Variants in PPP2R2C observed in about 807,000 individuals in gnomAD.
PPP2R2C encodes protein phosphatase 2, regulatory subunit B, gamma.
In PPP2R2C, 10 loss-of-function variants were observed where a neutral mutation model predicts 45.3. The ratio of observed to expected loss-of-function variants is 0.22; its 90% CI spans 0.14 to 0.37. The LOEUF (loss-of-function observed/expected upper bound fraction) is 0.37, where lower values mean the gene tolerates loss of function less well. Among genes scored for constraint, PPP2R2C ranks in the 10% least tolerant of loss-of-function variants. The pLI is 1.00. For missense variants in PPP2R2C, 308 were observed against 619.7 expected (o/e 0.50, Z 5.34); for synonymous variants, 257 against 245.4 (o/e 1.05, Z -0.44).
intron 2 of PPP2R2C, among the ~76,000 whole-genome samples, chr4:6,514,843 G>A (rs1416952590): frequency 6.6e-6 from 1 of 152,176 alleles, no homozygotes; most frequent in Non-Finnish European, 1.5e-5. Flanking sequence ...TCCAGAAGAG[G>A]GTCTGCTCCA....
intron 2 of PPP2R2C, among the ~76,000 whole-genome samples, chr4:6,529,299 G>C (rs1002464904): frequency 6.6e-6 from 1 of 152,226 alleles, no homozygotes; most frequent in African/African-American, 2.4e-5. Flanking sequence ...TTTCACACAC[G>C]ACAAAGAGCC....
chr4:6,355,998 A>G (rs1373863204), intron 5 of PPP2R2C, among the ~76,000 whole-genome samples: 49 of 127,756 alleles, frequency 3.8e-4, no homozygotes, highest in African/African-American at 2.0e-3. Context: ...GCCTGGAAAA[A>G]AAAAAAAAAA....
chr4:6,536,625 T>A (rs2108827861), intron 1 of PPP2R2C, among the ~76,000 whole-genome samples: 1 of 152,328 alleles, frequency 6.6e-6, no homozygotes, highest in Non-Finnish European at 1.5e-5. Context: ...AAGCCCCTCC[T>A]GTGCAGGGTG....
chr4:6,538,337 G>T (rs370245565), intron 1 of PPP2R2C, among the ~76,000 whole-genome samples: 1 of 152,054 alleles, frequency 6.6e-6, no homozygotes, highest in Non-Finnish European at 1.5e-5. Context: ...TACAGATATC[G>T]GCATGGAGAG....
At chr4:6,350,353 A>T in intron 5 of PPP2R2C, 1 of 985,420 alleles carries the variant, frequency 1.0e-6, no homozygotes. Flanking sequence ...CCAGAGAAAA[A>T]GTGCGGCCAC....
chr4:6,405,443 A>T (rs1717730512), intron 1 of PPP2R2C, among the ~76,000 whole-genome samples: 2 of 152,346 alleles, frequency 1.3e-5, no homozygotes, highest in South Asian at 4.1e-4. Flanking sequence ...GGAAGAAGGG[A>T]TGAACAGACC....
chr4:6,462,525 A>G (rs185946265), intron 1 of PPP2R2C, among the ~76,000 whole-genome samples: 133 of 152,132 alleles, frequency 8.7e-4, no homozygotes, highest in East Asian at 1.9e-3. Context: ...ACAAGTTGGT[A>G]GCCTGAAAAG....
intron 1 of PPP2R2C, among the ~76,000 whole-genome samples, chr4:6,429,766 G>T (rs1719517975): frequency 6.6e-6 from 1 of 152,206 alleles, no homozygotes; most frequent in South Asian, 2.1e-4. Flanking sequence ...TTGGTCCAAA[G>T]GAGTTTGCTG....
rs796114331 is a variant in PPP2R2C at position 6,471,404 on chromosome 4, G to A, written c.70+756C>T. Among the ~76,000 whole-genome samples the A allele has an allele frequency of 1.5e-4, 23 of 152,240 alleles. No individual in the cohort carries two copies. Among genetic ancestry groups the A allele is most frequent in the African/African-American group, 5.1e-4 (21 of 41,564 alleles). On this transcript the variant is annotated intron_variant, in intron 1 of 8. Transcript: ENST00000382599. The surrounding 1 kb of genome is among the most constrained non-coding windows in gnomAD (Gnocchi z 5.6). Reference sequence around the variant, plus strand: ...GGAAGTTCCAGGCCTGTAAGAGAGGGGCGCTGACCCACCAGCCTCGGGGGT... The same window carrying A: ...GGAAGTTCCAGGCCTGTAAGAGAGGAGCGCTGACCCACCAGCCTCGGGGGT...
chr4:6,335,558 G>A (rs1290523007), intron 6 of PPP2R2C, among the ~76,000 whole-genome samples: 1 of 152,152 alleles, frequency 6.6e-6, no homozygotes, highest in Non-Finnish European at 1.5e-5. Context: ...AGGGAAACGG[G>A]AGCCACTGAG....
At chr4:6,429,262 C>G (rs1358129514) in intron 1 of PPP2R2C, among the ~76,000 whole-genome samples, 2 of 152,228 alleles carry the variant, frequency 1.3e-5, no homozygotes, top group Admixed American at 1.3e-4. Flanking sequence ...CCATTTCTAA[C>G]TTCAACACCG....
chr4:6,542,702 C>CAAAAA (rs10691194), intron 1 of PPP2R2C, among the ~76,000 whole-genome samples: 29 of 26,964 alleles, frequency 1.1e-3, no homozygotes, highest in Non-Finnish European at 9.1e-4. Flanking sequence ...GACTCTGTCT[C>CAAAAA]AAAAAAAAAA....
At chr4:6,351,842 G>A (rs1712591060) in intron 5 of PPP2R2C, among the ~76,000 whole-genome samples, 1 of 152,292 alleles carries the variant, frequency 6.6e-6, no homozygotes, top group Non-Finnish European at 1.5e-5. Flanking sequence ...TGGGTCCATG[G>A]TCACCTGGTC....
chr4:6,349,656 C>G (rs924250859), intron 5 of PPP2R2C: 7 of 871,948 alleles, frequency 8.0e-6, no homozygotes, highest in Non-Finnish European at 8.3e-6. Context: ...CTGGCCAACA[C>G]AGTAAAACCC....
At chr4:6,346,093 G>A (rs369750120) in intron 6 of PPP2R2C, among the ~76,000 whole-genome samples, 159 of 152,236 alleles carry the variant, frequency 1.0e-3, no homozygotes, top group African/African-American at 3.6e-3. Context: ...GCAACATCCA[G>A]AGGGGGCAGC....
chr4:6,461,892 A>C (rs1054035888), intron 1 of PPP2R2C, among the ~76,000 whole-genome samples: 28 of 152,314 alleles, frequency 1.8e-4, no homozygotes, highest in African/African-American at 6.5e-4. Flanking sequence ...CATCCCCATC[A>C]TGGGGGTAAG....
intron 1 of PPP2R2C, among the ~76,000 whole-genome samples, chr4:6,404,188 G>C (rs193194711): frequency 6.6e-6 from 1 of 152,134 alleles, no homozygotes; most frequent in East Asian, 1.9e-4. Context: ...GGCTTCTGGG[G>C]AGCTCCTTGG....
rs1454362665 is a variant in PPP2R2C, at chr4:6,330,531, AAGAC to A, written c.961-1182_961-1179del. Among the ~76,000 whole-genome samples, 1 of 152,114 alleles carries A rather than the reference AAGAC, an allele frequency of 6.6e-6. No individual in the cohort carries two copies. The highest frequency in any genetic ancestry group is 1.9e-4 in the East Asian group (1 of 5,188). ...ATCAGTCGAAGGCCCTGATAGAACA[AAGAC>A]AGACCTCCCTGAGGACCGGGGGATT... On this transcript the variant is annotated intron_variant, in intron 7 of 8. Coordinates refer to ENST00000382599, the MANE Select transcript of PPP2R2C (RefSeq NM_020416.4). The surrounding 1 kb of genome is among the most constrained non-coding windows in gnomAD (Gnocchi z 7.0).
chr4:6,463,418 G>A (rs540463154), intron 1 of PPP2R2C, among the ~76,000 whole-genome samples: 1 of 152,362 alleles, frequency 6.6e-6, no homozygotes, highest in East Asian at 1.9e-4. Context: ...TTGGCCTGCA[G>A]TTGGAGATCC....
Sources: allele counts gnomAD v4.1 joint callset (sites outside exome capture counted in the v4.1 genomes callset), GRCh38; gene constraint gnomAD v4.1.1; non-coding constraint Gnocchi (gnomAD v3.1); transcripts MANE v1.5; gene names NCBI Gene and HGNC (gene_info 2026-07-23, HGNC 2026-07-21).